The following ROBO1 variants were observed in gnomAD, a reference collection of about 807,000 sequenced individuals.
ROBO1 encodes roundabout guidance receptor 1, also known as roundabout homolog 1.
Under a neutral mutation model 195.9 loss-of-function variants are expected in ROBO1, and 149 were observed. That is an observed-to-expected ratio of 0.76 (90% confidence interval 0.67 to 0.87). The LOEUF (loss-of-function observed/expected upper bound fraction) is 0.87. Ranked by LOEUF, ROBO1 falls within the 40% of genes least tolerant of loss-of-function variation. The probability of loss-of-function intolerance (pLI) is 0.00; values close to 1 mark genes in which losing one functional copy is unlikely to be tolerated. For missense variants in ROBO1, 1,933 were observed against 2,068.3 expected (o/e 0.93, Z 1.27); for synonymous variants, 816 against 733.2 (o/e 1.11, Z -1.82).
At chr3:78,849,895 CAAT>C (rs2033941373) in intron 4 of ROBO1, among the ~76,000 whole-genome samples, 2 of 150,854 alleles carry the variant, frequency 1.3e-5, no homozygotes, top group Admixed American at 1.3e-4. Context: ...CACTGCATAA[CAAT>C]GTTTTAGTCA....
At chr3:78,741,023 T>C (rs2082519135) in intron 5 of ROBO1, among the ~76,000 whole-genome samples, 1 of 152,186 alleles carries the variant, frequency 6.6e-6, no homozygotes, top group Non-Finnish European at 1.5e-5. Flanking sequence ...ATGGTATTGA[T>C]TTATGATCTT....
chr3:78,787,367 T>C (rs1040669114), intron 4 of ROBO1, among the ~76,000 whole-genome samples: 2 of 152,236 alleles, frequency 1.3e-5, no homozygotes, highest in African/African-American at 4.8e-5. Flanking sequence ...GTATTTTACA[T>C]AGTGAAATTC....
chr3:79,468,916 A>G (rs1056725314), intron 2 of ROBO1, among the ~76,000 whole-genome samples: 17 of 152,190 alleles, frequency 1.1e-4, no homozygotes, highest in Admixed American at 2.0e-4. Context: ...ATAAATGTTA[A>G]TTACCTTGAC....
chr3:78,616,917 T>C (rs1704145218), intron 27 of ROBO1, among the ~76,000 whole-genome samples: 1 of 152,274 alleles, frequency 6.6e-6, no homozygotes, highest in African/African-American at 2.4e-5. Context: ...AACATAAAGA[T>C]GAATATATGG....
rs186203584 is a variant in ROBO1 at position 79,409,456 on chromosome 3, T to G, written c.88+180368A>C. On this transcript the variant is annotated intron_variant, in intron 2 of 30. Coordinates refer to ENST00000464233, the MANE Select transcript of ROBO1 (RefSeq NM_002941.4). ...TCTCCATTCATAAGGAAATTGAAGA[T>G]CTCTCCAAATATATTTCACAAGTTC... Among the ~76,000 whole-genome samples the G allele has an allele frequency of 2.9e-3, 435 of 152,306 alleles. 2 individuals carry two copies. The highest frequency in any genetic ancestry group is 9.0e-3 in the African/African-American group (376 of 41,572).
intron 2 of ROBO1, among the ~76,000 whole-genome samples, chr3:79,410,188 G>C (rs2106848286): frequency 6.6e-6 from 1 of 152,238 alleles, no homozygotes; most frequent in South Asian, 2.1e-4. Context: ...TCTTTAAATG[G>C]AAGTGGTTAT....
At chr3:79,157,002 G>C (rs1026764846) in intron 2 of ROBO1, among the ~76,000 whole-genome samples, 1 of 151,754 alleles carries the variant, frequency 6.6e-6, no homozygotes, top group Non-Finnish European at 1.5e-5. Flanking sequence ...CATCGGGTGG[G>C]GAAGTGCAGC....
At chr3:79,601,767 G>A (rs1000754695) in intron 1 of ROBO1, among the ~76,000 whole-genome samples, 2 of 151,914 alleles carry the variant, frequency 1.3e-5, no homozygotes, top group African/African-American at 2.4e-5. Context: ...AGAGCAAAAT[G>A]TACTCAGTTT....
At chr3:78,842,160 A>G (rs1375160334) in intron 4 of ROBO1, among the ~76,000 whole-genome samples, 2 of 129,586 alleles carry the variant, frequency 1.5e-5, no homozygotes, top group Non-Finnish European at 3.2e-5. Flanking sequence ...TTTTTTGCGC[A>G]CACACACACG....
intron 4 of ROBO1, among the ~76,000 whole-genome samples, chr3:78,929,605 C>T (rs553924830): frequency 2.0e-5 from 3 of 152,026 alleles, no homozygotes; most frequent in Non-Finnish European, 4.4e-5. Context: ...CGGGCTCAAC[C>T]AATCCTTCCA....
At position 78,716,007 on chromosome 3, in the gene ROBO1, T is replaced by C. The variant is rs554995729; in HGVS notation, c.917+1268A>G. Among the ~76,000 whole-genome samples, 4 of 152,348 alleles carry C rather than the reference T, an allele frequency of 2.6e-5. No individual in the cohort carries two copies. The South Asian group carries it at 8.3e-4, about 32-fold the overall frequency. Reference sequence around the variant, plus strand: ...TGCCCTACCTAGCCATGCTAAACTTTATGCCATTCAAAGGAGATGACATTC... The same window carrying C: ...TGCCCTACCTAGCCATGCTAAACTTCATGCCATTCAAAGGAGATGACATTC... On this transcript the variant is annotated intron_variant, in intron 7 of 30. Transcript: ENST00000464233.
intron 2 of ROBO1, among the ~76,000 whole-genome samples, chr3:79,393,077 T>G (rs2037014892): frequency 1.3e-5 from 2 of 152,196 alleles, no homozygotes; most frequent in South Asian, 4.1e-4. Flanking sequence ...CTTTCCTCTC[T>G]ATCCAGGAAT....
intron 2 of ROBO1, among the ~76,000 whole-genome samples, chr3:79,279,533 T>C (rs2031344131): frequency 6.6e-6 from 1 of 152,084 alleles, no homozygotes; most frequent in Admixed American, 6.6e-5. Context: ...AGTAAACTAA[T>C]ACAGCTACTA....
intron 3 of ROBO1, among the ~76,000 whole-genome samples, chr3:78,946,169 G>T (rs1188555293): frequency 6.6e-6 from 1 of 152,014 alleles, no homozygotes; most frequent in Non-Finnish European, 1.5e-5. Flanking sequence ...GAAATACAGA[G>T]AACACCACAA....
chr3:79,450,942 T>A (rs1302168442), intron 2 of ROBO1, among the ~76,000 whole-genome samples: 1 of 151,980 alleles, frequency 6.6e-6, no homozygotes, highest in Non-Finnish European at 1.5e-5. Flanking sequence ...TAACTTGTAT[T>A]TTCTATTAAT....
chr3:78,679,886 C>G lies in ROBO1; in HGVS notation c.1342+5860G>C, dbSNP rs1206414345. Among the ~76,000 whole-genome samples, 5 of 151,944 alleles carry G rather than the reference C, an allele frequency of 3.3e-5. No homozygotes were observed. In the East Asian group the frequency reaches 9.7e-4, roughly 29 times the overall value. ...CCCGCATCGCCAAGTCAATCCTAAG[C>G]CAAAAGAACAAAGCTGGAGGCATCA... On this transcript the variant is annotated intron_variant, in intron 10 of 30. Transcript: ENST00000464233.
At chr3:78,759,615 TTC>T (rs2083039270) in intron 4 of ROBO1, among the ~76,000 whole-genome samples, 1 of 152,240 alleles carries the variant, frequency 6.6e-6, no homozygotes, top group South Asian at 2.1e-4. Context: ...TTACTCATTT[TTC>T]TCTCAGAACT....
At chr3:78,721,078 C>T (rs1024712973) in intron 5 of ROBO1, among the ~76,000 whole-genome samples, 2 of 151,720 alleles carry the variant, frequency 1.3e-5, no homozygotes, top group Non-Finnish European at 2.9e-5. Context: ...GCACATGCAC[C>T]CTAAAACTTA....
At chr3:79,643,193 C>T (rs575377894) in intron 1 of ROBO1, among the ~76,000 whole-genome samples, 1 of 152,274 alleles carries the variant, frequency 6.6e-6, no homozygotes, top group Admixed American at 6.5e-5. Context: ...CAACATTGGA[C>T]TCTACGTTCT....
Sources: allele counts gnomAD v4.1 joint callset (sites outside exome capture counted in the v4.1 genomes callset), GRCh38; gene constraint gnomAD v4.1.1; transcripts MANE v1.5; gene names NCBI Gene and HGNC (gene_info 2026-07-23, HGNC 2026-07-21).